Variants in ANKS1B observed in about 807,000 individuals in gnomAD.
ANKS1B encodes ankyrin repeat and sterile alpha motif domain containing 1B.
In ANKS1B, 36 loss-of-function variants were observed where a neutral mutation model predicts 148.3. The ratio of observed to expected loss-of-function variants is 0.24; its 90% CI spans 0.19 to 0.32. The LOEUF is 0.32. Ranked by LOEUF, ANKS1B falls within the 10% of genes least tolerant of loss-of-function variation. The probability of loss-of-function intolerance (pLI) is 1.00; values close to 1 mark genes in which losing one functional copy is unlikely to be tolerated. For synonymous variants in ANKS1B, 542 were observed against 560.8 expected, an observed-to-expected ratio of 0.97 and a Z score of 0.47; for missense variants, 1,157 against 1,542.6, an observed-to-expected ratio of 0.75 and a Z score of 4.19.
At chr12:99,594,371 G>A (rs951460321) in intron 9 of ANKS1B, among the ~76,000 whole-genome samples, 1 of 152,056 alleles carries the variant, frequency 6.6e-6, no homozygotes, top group African/African-American at 2.4e-5. Context: ...TTATCTAAAG[G>A]AAATAAAATC....
At chr12:98,949,315 C>T (rs1038354526) in intron 17 of ANKS1B, among the ~76,000 whole-genome samples, 6 of 152,102 alleles carry the variant, frequency 3.9e-5, no homozygotes, top group Non-Finnish European at 8.8e-5. Flanking sequence ...GAAGACTAGG[C>T]CTCACAACTG....
intron 17 of ANKS1B, among the ~76,000 whole-genome samples, chr12:98,945,413 T>C (rs1232626402): frequency 2.0e-5 from 3 of 149,672 alleles, no homozygotes; most frequent in African/African-American, 7.4e-5. Flanking sequence ...AAGGATTGCC[T>C]GAGCCCGGAA....
In ANKS1B at chr12:99,761,778, G is replaced by A. The variant is rs538579619; in HGVS notation, c.1128+11144C>T. Among the ~76,000 whole-genome samples, 6 of 152,086 alleles carry A rather than the reference G, an allele frequency of 3.9e-5. No homozygotes were observed. The East Asian group carries it at 7.7e-4, about 20-fold the overall frequency. ...AACTATCTGTCTTCACTAATGATAC[G>A]ATTCTATGCCTAGAAAACCCTAAAC... is the stretch of plus-strand genomic sequence containing the variant. On this transcript the variant is annotated intron_variant, in intron 8 of 26. Transcript: ENST00000683438.
rs561520211 is a variant in ANKS1B at position 98,895,137 on chromosome 12, C to T, written c.2779-63001G>A. 122 of 985,128 alleles carry T rather than the reference C, an allele frequency of 1.2e-4. 1 individual carries two copies. In the African/African-American group the frequency reaches 2.1e-3, roughly 17 times the overall value. The allele number at this position is 985,128 out of a possible 1,614,324, so 61.0% of individuals were successfully genotyped here. A position where few individuals can be genotyped will look rare whatever the true frequency, so the allele number is the denominator to read the frequency against. On this transcript the variant is annotated intron_variant, in intron 17 of 26. Coordinates refer to ENST00000683438, the MANE Select transcript of ANKS1B (RefSeq NM_001352186.2). ...TGGCCGCCGGGGAGGGCTTACCGCT[C>T]GGGCGGACCCTCACTGCGAGAGCGA...
chr12:99,346,332 C>T (rs1400085262), intron 12 of ANKS1B, among the ~76,000 whole-genome samples: 1 of 151,190 alleles, frequency 6.6e-6, no homozygotes, highest in Admixed American at 6.6e-5. Flanking sequence ...AACTTAGCCA[C>T]CTCCCTAAAT....
chr12:99,463,306 G>A (rs376563977), intron 10 of ANKS1B, among the ~76,000 whole-genome samples: 2 of 152,314 alleles, frequency 1.3e-5, no homozygotes, highest in East Asian at 3.9e-4. Context: ...TTCAAATGCG[G>A]CAGCCAAGAT....
intron 10 of ANKS1B, among the ~76,000 whole-genome samples, chr12:99,477,995 A>G (rs2096352836): frequency 6.6e-6 from 1 of 152,202 alleles, no homozygotes; most frequent in Admixed American, 6.6e-5. Context: ...CAAAGAATAA[A>G]TCACAATACA....
chr12:99,761,785 T>C (rs1178766452), intron 8 of ANKS1B, among the ~76,000 whole-genome samples: 1 of 152,110 alleles, frequency 6.6e-6, no homozygotes, highest in Non-Finnish European at 1.5e-5. Flanking sequence ...TACGATTCTA[T>C]GCCTAGAAAA....
chr12:99,307,933 T>C (rs2082578087), intron 12 of ANKS1B, among the ~76,000 whole-genome samples: 1 of 152,026 alleles, frequency 6.6e-6, no homozygotes, highest in African/African-American at 2.4e-5. Flanking sequence ...AATCACTGGT[T>C]CAGTAGTCTT....
intron 9 of ANKS1B, among the ~76,000 whole-genome samples, chr12:99,529,583 G>T (rs1046977075): frequency 6.7e-6 from 1 of 149,446 alleles, no homozygotes; most frequent in Non-Finnish European, 1.5e-5. Context: ...AACCTGGGAG[G>T]CAGAGGTTGC....
intron 9 of ANKS1B, among the ~76,000 whole-genome samples, chr12:99,600,704 T>TAACTGG (rs2097793548): frequency 6.6e-6 from 1 of 151,962 alleles, no homozygotes; most frequent in Non-Finnish European, 1.5e-5. Context: ...TTTCAAAACT[T>TAACTGG]AACTGGGTCA....
rs61076587 is a variant in ANKS1B at position 99,919,779 on chromosome 12, T to TAAAA, written c.134+64321_134+64324dup. On this transcript the variant is annotated intron_variant, in intron 1 of 26. Coordinates refer to ENST00000683438, the MANE Select transcript of ANKS1B (RefSeq NM_001352186.2). ...CCCAAATTGAAATGTGCTGCAGAGT[T>TAAAA]AAAAAAAAAAAAAAACCTGGATTTC... Among the ~76,000 whole-genome samples the TAAAA allele has an allele frequency of 6.6e-3, 888 of 134,478 alleles. 17 individuals carry two copies. Among genetic ancestry groups the TAAAA allele is most frequent in the East Asian group, 0.039 (174 of 4,512 alleles). The allele number at this position is 134,478 out of a possible 152,430, so 88.2% of individuals were successfully genotyped here.
chr12:99,508,912 G>A (rs1183739053), intron 9 of ANKS1B, among the ~76,000 whole-genome samples: 1 of 151,762 alleles, frequency 6.6e-6, no homozygotes, highest in East Asian at 1.9e-4. Context: ...ATGGCAACCG[G>A]GCATTGAGCA....
intron 9 of ANKS1B, among the ~76,000 whole-genome samples, chr12:99,615,017 G>A (rs943138568): frequency 1.3e-5 from 2 of 150,826 alleles, no homozygotes; most frequent in Non-Finnish European, 3.0e-5. Flanking sequence ...TACTTCTTAC[G>A]CAATGATTCC....
intron 9 of ANKS1B, among the ~76,000 whole-genome samples, chr12:99,611,328 T>C (rs2097900765): frequency 6.6e-6 from 1 of 152,150 alleles, no homozygotes; most frequent in South Asian, 2.1e-4. Context: ...GTTTCTTCCA[T>C]GACTCATTCT....
intron 9 of ANKS1B, among the ~76,000 whole-genome samples, chr12:99,599,695 T>C (rs1260350950): frequency 6.6e-6 from 1 of 151,954 alleles, no homozygotes; most frequent in African/African-American, 2.4e-5. Flanking sequence ...TTTGGGCAAC[T>C]GGGTGGATAG....
chr12:99,695,319 A>C (rs187399449), intron 8 of ANKS1B, among the ~76,000 whole-genome samples: 23 of 152,346 alleles, frequency 1.5e-4, no homozygotes, highest in African/African-American at 5.5e-4. Context: ...TTCTAATTTA[A>C]TATTTACTGA....
intron 8 of ANKS1B, among the ~76,000 whole-genome samples, chr12:99,669,803 C>T (rs1233360849): frequency 5.9e-5 from 9 of 152,182 alleles, no homozygotes; most frequent in African/African-American, 2.2e-4. Context: ...CTAGCTGACT[C>T]AGCCTTCCCC....
Position 98,774,515 on chromosome 12 carries a change from G to C in ANKS1B, c.3442-1336C>G, listed in dbSNP as rs546200024. ...ATAGATGTGTTTAAAAAGAAAAAAAGAAAAAAATTCACATAATCTTGCAAT... is the reference window on the plus strand; with the variant it reads ...ATAGATGTGTTTAAAAAGAAAAAAACAAAAAAATTCACATAATCTTGCAAT... On this transcript the variant is annotated intron_variant, in intron 24 of 26. Transcript: ENST00000683438. Among the ~76,000 whole-genome samples the C allele has an allele frequency of 1.7e-3, 261 of 152,202 alleles. 1 individual carries two copies. The highest frequency in any genetic ancestry group is 6.0e-3 in the African/African-American group (249 of 41,530).
Sources: gnomAD v4.1 joint callset for allele counts (sites outside exome capture counted in the v4.1 genomes callset) on GRCh38, gnomAD v4.1.1 for gene constraint, MANE v1.5 for transcripts, NCBI Gene and HGNC (gene_info 2026-07-23, HGNC 2026-07-21) for gene names.